Variants in OPCML observed in about 807,000 individuals in gnomAD.
OPCML encodes opioid binding protein/cell adhesion molecule like, also known as opioid-binding protein/cell adhesion molecule.
Under a neutral mutation model 37.8 loss-of-function variants are expected in OPCML, and 13 were observed. The observed-to-expected ratio is 0.34, with a 90% CI of 0.22 to 0.55. The LOEUF (loss-of-function observed/expected upper bound fraction) is 0.55, where lower values mean the gene tolerates loss of function less well. OPCML is among the 20% of genes least tolerant of loss of function. The pLI, the probability that OPCML is intolerant of heterozygous loss-of-function variation, is 0.91. For synonymous variants in OPCML, 176 were observed against 168.8 expected, an observed-to-expected ratio of 1.04 and a Z score of -0.33; for missense variants, 341 against 435.6, an observed-to-expected ratio of 0.78 and a Z score of 1.93.
At chr11:132,502,304 C>G in intron 4 of OPCML, among the ~76,000 whole-genome samples, 1 of 152,114 alleles carries the variant, frequency 6.6e-6, no homozygotes, top group Non-Finnish European at 1.5e-5. Flanking sequence ...TTTACTTTCT[C>G]TTTTTTCTGG....
chr11:132,450,089 C>T (rs1379976806), intron 4 of OPCML, among the ~76,000 whole-genome samples: 2 of 152,156 alleles, frequency 1.3e-5, no homozygotes, highest in Non-Finnish European at 2.9e-5. Context: ...GCTGGTCGTC[C>T]TCCAAAGCAC....
chr11:132,570,804 T>TC (rs1271040683), intron 3 of OPCML, among the ~76,000 whole-genome samples: 2 of 90,762 alleles, frequency 2.2e-5, no homozygotes, highest in African/African-American at 9.9e-5. Flanking sequence ...TATATATATT[T>TC]AGAGAGAGAG....
intron 2 of OPCML, among the ~76,000 whole-genome samples, chr11:132,877,528 T>C (rs1450930510): frequency 2.6e-5 from 4 of 152,192 alleles, no homozygotes; most frequent in Non-Finnish European, 4.4e-5. Flanking sequence ...AGGGGAATGC[T>C]TACTTCATGA....
chr11:133,257,070 G>A (rs1941333933), intron 1 of OPCML, among the ~76,000 whole-genome samples: 1 of 152,224 alleles, frequency 6.6e-6, no homozygotes. Context: ...TAATTGTCTT[G>A]CAAAATTCCT....
intron 1 of OPCML, among the ~76,000 whole-genome samples, chr11:133,237,860 C>A (rs1323462201): frequency 1.3e-5 from 2 of 152,092 alleles, no homozygotes; most frequent in African/African-American, 4.8e-5. Flanking sequence ...GCGCCTGGTG[C>A]CAGAGGAGGA....
At chr11:132,614,455 A>T (rs933554913) in intron 3 of OPCML, among the ~76,000 whole-genome samples, 2 of 152,102 alleles carry the variant, frequency 1.3e-5, no homozygotes, top group African/African-American at 4.8e-5. Context: ...AGTGGCAGTG[A>T]CACCTTCCTC....
At chr11:132,981,607 T>C (rs1317338648) in intron 1 of OPCML, among the ~76,000 whole-genome samples, 1 of 152,202 alleles carries the variant, frequency 6.6e-6, no homozygotes, top group Non-Finnish European at 1.5e-5. Flanking sequence ...AAAATTAATC[T>C]GACGATTACA....
At chr11:132,925,908 T>G (rs1345719655) in intron 2 of OPCML, among the ~76,000 whole-genome samples, 1 of 152,192 alleles carries the variant, frequency 6.6e-6, no homozygotes, top group Non-Finnish European at 1.5e-5. Context: ...CTACCACTCA[T>G]TCTCTTGCTT....
At chr11:132,519,264 AG>A (rs1356202828) in intron 4 of OPCML, among the ~76,000 whole-genome samples, 4 of 152,110 alleles carry the variant, frequency 2.6e-5, no homozygotes, top group Non-Finnish European at 4.4e-5. Context: ...TGGGGAGGGA[AG>A]GTGGGGGTCA....
chr11:133,337,570 T>C (rs1393384681), intron 1 of OPCML, among the ~76,000 whole-genome samples: 2 of 152,190 alleles, frequency 1.3e-5, no homozygotes, highest in African/African-American at 2.4e-5. Context: ...CCTGCTGCTG[T>C]GGGAAGAAGC....
chr11:133,078,586 G>C (rs1948658672), intron 1 of OPCML, among the ~76,000 whole-genome samples: 1 of 152,142 alleles, frequency 6.6e-6, no homozygotes. Flanking sequence ...TTCTACCCCT[G>C]CTCAATGACT....
At chr11:132,616,389 G>C (rs951996881) in intron 3 of OPCML, among the ~76,000 whole-genome samples, 8 of 152,190 alleles carry the variant, frequency 5.3e-5, no homozygotes, top group African/African-American at 1.9e-4. Context: ...GGACATCTTG[G>C]ATGTTAGAAG....
chr11:132,666,909 G>A (rs1056414669), intron 2 of OPCML, among the ~76,000 whole-genome samples: 1 of 152,222 alleles, frequency 6.6e-6, no homozygotes, highest in Admixed American at 6.5e-5. Context: ...TTCTTTTGGA[G>A]AATAGACTGT....
At chr11:132,896,188 G>T (rs918648341) in intron 2 of OPCML, among the ~76,000 whole-genome samples, 12 of 152,168 alleles carry the variant, frequency 7.9e-5, no homozygotes, top group Non-Finnish European at 1.3e-4. Flanking sequence ...CAGAGGAAGG[G>T]ATTCAAAGGC....
intron 2 of OPCML, among the ~76,000 whole-genome samples, chr11:132,919,439 C>G (rs1017129682): frequency 6.6e-6 from 1 of 152,166 alleles, no homozygotes; most frequent in Non-Finnish European, 1.5e-5. Flanking sequence ...AACTACTGGT[C>G]TAAGCTGTTA....
chr11:133,001,823 G>GC (rs1224213952), intron 1 of OPCML, among the ~76,000 whole-genome samples: 2 of 152,230 alleles, frequency 1.3e-5, no homozygotes, highest in Non-Finnish European at 2.9e-5. Flanking sequence ...TGATAATTGT[G>GC]CAGCAATGGC....
At chr11:133,052,681 G>A (rs1948153212) in intron 1 of OPCML, among the ~76,000 whole-genome samples, 1 of 152,206 alleles carries the variant, frequency 6.6e-6, no homozygotes, top group African/African-American at 2.4e-5. Flanking sequence ...CTTGGGGATA[G>A]TGATTGTTTC....
In OPCML at chr11:132,415,031, G is replaced by A. The variant is rs1044615983; in HGVS notation, c.*5162C>T. On this transcript the variant is annotated 3_prime_UTR_variant, in exon 8 of 8. Transcript: ENST00000524381. Reference sequence around the variant, plus strand: ...TACACTGCACAATCACAACCATCTCGTATTCATCCTGAATTAGAAAAGGTT... The same window carrying A: ...TACACTGCACAATCACAACCATCTCATATTCATCCTGAATTAGAAAAGGTT... 24 of 152,432 alleles carry A rather than the reference G, an allele frequency of 1.6e-4. No homozygotes were observed. Among genetic ancestry groups the A allele is most frequent in the African/African-American group, 5.8e-4 (24 of 41,358 alleles). The allele number at this position is 152,432 out of a possible 1,614,324, so 9.4% of individuals were successfully genotyped here.
chr11:133,361,574 G>A (rs1400950902), intron 1 of OPCML: 1 of 161,958 alleles, frequency 6.2e-6, no homozygotes, highest in East Asian at 1.9e-4. Context: ...GCTACTCCGG[G>A]GCACCTGCAG....
Sources: gnomAD v4.1 joint callset for allele counts (sites outside exome capture counted in the v4.1 genomes callset) on GRCh38, gnomAD v4.1.1 for gene constraint, MANE v1.5 for transcripts, NCBI Gene and HGNC (gene_info 2026-07-23, HGNC 2026-07-21) for gene names.